Variants in EVA1C observed in about 807,000 individuals in gnomAD.
The protein encoded by EVA1C is protein eva-1 homolog C.
Under a neutral mutation model 45.4 loss-of-function variants are expected in EVA1C, and 25 were observed. That is an observed-to-expected ratio of 0.55 (90% CI 0.40 to 0.77). The LOEUF is 0.77. EVA1C is among the 30% of genes least tolerant of loss of function. The pLI, the probability that EVA1C is intolerant of heterozygous loss-of-function variation, is 0.00. For synonymous variants in EVA1C, 190 were observed against 221.2 expected (o/e 0.86, Z 1.25); for missense variants, 479 against 554.8 (o/e 0.86, Z 1.37).
At chr21:32,414,724 C>G (rs146296869) in intron 1 of EVA1C, among the ~76,000 whole-genome samples, 188 of 152,198 alleles carry the variant, frequency 1.2e-3, no homozygotes, top group African/African-American at 4.4e-3. Context: ...GCATTTTCTT[C>G]TGCTTTCCAT....
At chr21:32,506,625 C>T (rs2037729335) in intron 7 of EVA1C, among the ~76,000 whole-genome samples, 1 of 152,084 alleles carries the variant, frequency 6.6e-6, no homozygotes, top group Non-Finnish European at 1.5e-5. Context: ...TGTGGGTTTT[C>T]TTGGTGTGTC....
chr21:32,508,002 T>G (rs1197853722), intron 7 of EVA1C, among the ~76,000 whole-genome samples: 1 of 151,990 alleles, frequency 6.6e-6, no homozygotes, highest in Non-Finnish European at 1.5e-5. Flanking sequence ...TGGGTGCGTG[T>G]GTGTACGCAT....
At position 32,480,957 on chromosome 21, in the gene EVA1C, G is replaced by A. The variant is rs1436918074; in HGVS notation, c.634+13109G>A. 6.9e-5 allele frequency among the ~76,000 whole-genome samples: 10 copies of A among 144,392 alleles called. No individual in the cohort carries two copies. In the East Asian group the frequency reaches 1.2e-3, roughly 18 times the overall value. 94.7% of individuals were successfully genotyped at this position (144,392 alleles called of 152,430 possible). A position where few individuals can be genotyped will look rare whatever the true frequency, so the allele number is the denominator to read the frequency against. On this transcript the variant is annotated intron_variant, in intron 4 of 7. Transcript: ENST00000300255. ...CAGCCTGGGCAACAGAGCAAGTGCC[G>A]TCTCAAAAAAAAAAAAATAAATAAA...
At chr21:32,510,207 C>G (rs1041846569) in intron 7 of EVA1C, among the ~76,000 whole-genome samples, 4 of 151,952 alleles carry the variant, frequency 2.6e-5, no homozygotes, top group Non-Finnish European at 4.4e-5. Flanking sequence ...CGCCACCACC[C>G]CTGGCTAATT....
intron 1 of EVA1C, among the ~76,000 whole-genome samples, chr21:32,437,536 T>A (rs1203552962): frequency 6.6e-6 from 1 of 152,220 alleles, no homozygotes; most frequent in East Asian, 1.9e-4. Flanking sequence ...AGATTCAGAC[T>A]TCTTAGCAAG....
In EVA1C at chr21:32,412,865, G is replaced by T. The variant is rs769523174; in HGVS notation, c.12G>T (p.Pro4=). ...CCGCGCAGCGCACGATGCTTCTGCC[G>T]GGACGCGCACGCCAACCGCCGACGC... MLL[P]GRARQPPTPQ... The change falls in exon 1 of 8, where the codon CCG becomes CCT. Residue 4 remains proline, a synonymous_variant. Transcript: ENST00000300255. 4.7e-6 allele frequency: 7 copies of T among 1,492,504 alleles called. No homozygotes were observed. Among genetic ancestry groups the T allele is most frequent in the East Asian group, 2.8e-5 (1 of 35,530 alleles). 92.5% of individuals were successfully genotyped at this position (1,492,504 alleles called of 1,614,324 possible). A position where few individuals can be genotyped will look rare whatever the true frequency, so the allele number is the denominator to read the frequency against.
intron 1 of EVA1C, among the ~76,000 whole-genome samples, chr21:32,444,078 A>G (rs1021565341): frequency 1.7e-5 from 2 of 121,208 alleles, no homozygotes; most frequent in African/African-American, 5.4e-5. Flanking sequence ...ACACACACAC[A>G]CACACACACA....
intron 1 of EVA1C, among the ~76,000 whole-genome samples, chr21:32,437,936 G>A (rs1012883760): frequency 1.3e-5 from 2 of 152,156 alleles, no homozygotes; most frequent in Non-Finnish European, 2.9e-5. Flanking sequence ...GGGACTCTAA[G>A]AGCCAAGCTA....
chr21:32,453,563 T>C (rs2035667170), intron 2 of EVA1C, 55 bp downstream of exon 2: 1 of 1,254,642 alleles, frequency 8.0e-7, no homozygotes, highest in East Asian at 2.4e-5. Context: ...ACACTCTTTC[T>C]CTCTCTCTGG....
Position 32,495,019 on chromosome 21 carries a change from C to A in EVA1C, c.635-8C>A. The A allele has an allele frequency of 6.2e-6, 10 of 1,613,356 alleles. No individual in the cohort carries two copies. The highest frequency in any genetic ancestry group is 8.5e-6 in the Non-Finnish European group (10 of 1,179,498). On this transcript the variant is annotated splice_region_variant and splice_polypyrimidine_tract_variant and intron_variant, in intron 4 of 7. Coordinates refer to ENST00000300255, the MANE Select transcript of EVA1C (RefSeq NM_058187.5). ...AACCTGAAGTTCTGGGTGTTTCCTG[C>A]CTTTCAGATTGCTTGTCTTACTCAG...
chr21:32,447,654 C>T (rs1197675922), intron 1 of EVA1C, among the ~76,000 whole-genome samples: 2 of 152,098 alleles, frequency 1.3e-5, no homozygotes, highest in African/African-American at 4.8e-5. Flanking sequence ...GTTATTCTGC[C>T]TACCACATGG....
chr21:32,509,123 T>G (rs529647893), intron 7 of EVA1C, among the ~76,000 whole-genome samples: 3 of 152,234 alleles, frequency 2.0e-5, no homozygotes, highest in Non-Finnish European at 4.4e-5. Context: ...GGCCTGAGCT[T>G]GGGGTCCTAG....
chr21:32,501,989 T>TTTCC (rs1176927463), intron 6 of EVA1C, among the ~76,000 whole-genome samples: 7 of 1,610 alleles, frequency 4.3e-3, no homozygotes, highest in Non-Finnish European at 0.013. Flanking sequence ...CGCTCTTTTC[T>TTTCC]TTCTTTCTTT....
intron 4 of EVA1C, among the ~76,000 whole-genome samples, chr21:32,475,679 T>C (rs1465594409): frequency 6.6e-6 from 1 of 152,116 alleles, no homozygotes; most frequent in Non-Finnish European, 1.5e-5. Context: ...TTTACGTAAC[T>C]GTTCCCTGGT....
intron 3 of EVA1C, 28 bp downstream of exon 3, chr21:32,457,748 G>A (rs1287748565): frequency 1.2e-6 from 2 of 1,613,404 alleles, no homozygotes; most frequent in South Asian, 1.1e-5. Context: ...GGGACAGTGT[G>A]TTTGGGGTGT....
chr21:32,412,803 G>C lies in EVA1C; in HGVS notation c.-51G>C. On this transcript the variant is annotated 5_prime_UTR_variant, in exon 1 of 8. Transcript: ENST00000300255. ...CATGTGACGCCGTCCTTAGCCCTGC[G>C]ACCCCCAGCGCGTCCCGGGCCTGCG... The C allele has an allele frequency of 7.5e-7, 1 of 1,336,432 alleles. No individual in the cohort carries two copies. Among genetic ancestry groups the C allele is most frequent in the Non-Finnish European group, 9.5e-7 (1 of 1,049,934 alleles). 82.8% of individuals were successfully genotyped at this position (1,336,432 alleles called of 1,614,324 possible).
At chr21:32,428,204 T>G (rs1568866994) in intron 1 of EVA1C, 1 of 152,168 alleles carries the variant, frequency 6.6e-6, no homozygotes, top group Non-Finnish European at 1.5e-5. Context: ...CTCATTTGGG[T>G]CCCGCGCCCA....
chr21:32,479,699 C>T (rs1172966164), intron 4 of EVA1C, among the ~76,000 whole-genome samples: 1 of 151,974 alleles, frequency 6.6e-6, no homozygotes, highest in East Asian at 1.9e-4. Context: ...TCCTGTGATC[C>T]CAGCACTTTG....
At chr21:32,429,176 G>A (rs1382983162) in intron 1 of EVA1C, among the ~76,000 whole-genome samples, 1 of 150,960 alleles carries the variant, frequency 6.6e-6, no homozygotes, top group Non-Finnish European at 1.5e-5. Flanking sequence ...AAGTAGCTGG[G>A]ATTTCAGGCA....
Sources: allele counts gnomAD v4.1 joint callset (sites outside exome capture counted in the v4.1 genomes callset), GRCh38; gene constraint gnomAD v4.1.1; transcripts MANE v1.5; gene names NCBI Gene and HGNC (gene_info 2026-07-23, HGNC 2026-07-21).